ICA1: variants seen among roughly 807,000 people sequenced by gnomAD.
ICA1 encodes the protein 69 kDa islet cell autoantigen.
Under a neutral mutation model 71.0 loss-of-function variants are expected in ICA1, and 40 were observed. That is an observed-to-expected ratio of 0.56 (90% CI 0.44 to 0.73). ICA1 has a LOEUF of 0.73. Among genes scored for constraint, ICA1 ranks in the 30% least tolerant of loss-of-function variants. ICA1 has a pLI of 0.00. For synonymous variants in ICA1, 207 were observed against 209.5 expected (o/e 0.99, Z 0.10); for missense variants, 578 against 576.5 (o/e 1.00, Z -0.03).
intron 4 of ICA1, chr7:8,227,924 G>A (rs1799123401): frequency 2.4e-6 from 1 of 409,050 alleles, no homozygotes; most frequent in Non-Finnish European, 5.0e-6. Context: ...TACTGATGTA[G>A]AAAAATGACC....
chr7:8,155,409 A>G (rs1302563942), intron 8 of ICA1, among the ~76,000 whole-genome samples: 1 of 152,204 alleles, frequency 6.6e-6, no homozygotes, highest in East Asian at 1.9e-4. Context: ...ACGTCGTAGC[A>G]AAAATTAAGG....
intron 6 of ICA1, among the ~76,000 whole-genome samples, chr7:8,178,372 T>C (rs940423572): frequency 2.0e-5 from 3 of 152,210 alleles, no homozygotes; most frequent in African/African-American, 4.8e-5. Context: ...TGTATTTTAA[T>C]TGACTGTTTT....
At chr7:8,186,798 C>A (rs758990687) in intron 6 of ICA1, among the ~76,000 whole-genome samples, 2 of 152,118 alleles carry the variant, frequency 1.3e-5, no homozygotes, top group East Asian at 3.8e-4. Context: ...AGGGCCTCAA[C>A]GTGCCACTGA....
chr7:8,174,397 G>T, intron 6 of ICA1, among the ~76,000 whole-genome samples: 1 of 152,046 alleles, frequency 6.6e-6, no homozygotes, highest in East Asian at 1.9e-4. Flanking sequence ...TTTTCTGTAT[G>T]CTTTTATAAC....
At chr7:8,236,306 T>C (rs546838869) in intron 1 of ICA1, among the ~76,000 whole-genome samples, 1 of 152,240 alleles carries the variant, frequency 6.6e-6, no homozygotes, top group Non-Finnish European at 1.5e-5. Flanking sequence ...CAATACTATA[T>C]GTTGTTGAGG....
intron 3 of ICA1, among the ~76,000 whole-genome samples, chr7:8,231,590 G>A (rs138840149): frequency 6.6e-6 from 1 of 152,138 alleles, no homozygotes; most frequent in Non-Finnish European, 1.5e-5. Flanking sequence ...TGAGAAACTG[G>A]GTATAGTTCT....
intron 6 of ICA1, among the ~76,000 whole-genome samples, chr7:8,193,367 C>T (rs1264296934): frequency 6.6e-6 from 1 of 152,230 alleles, no homozygotes; most frequent in Non-Finnish European, 1.5e-5. Context: ...CCTTTTACCA[C>T]AACTGTAGCT....
At chr7:8,242,022 A>G (rs1230440207) in intron 1 of ICA1, among the ~76,000 whole-genome samples, 2 of 152,224 alleles carry the variant, frequency 1.3e-5, no homozygotes, top group African/African-American at 2.4e-5. Context: ...CAGAAGGTTA[A>G]CAAGGATATC....
intron 4 of ICA1, among the ~76,000 whole-genome samples, chr7:8,221,703 C>A (rs989530056): frequency 6.6e-6 from 1 of 152,130 alleles, no homozygotes; most frequent in African/African-American, 2.4e-5. Flanking sequence ...CGGCTTCGAG[C>A]TGAAATAAAG....
At chr7:8,152,320 C>G (rs1475711912) in intron 8 of ICA1, among the ~76,000 whole-genome samples, 2 of 151,944 alleles carry the variant, frequency 1.3e-5, no homozygotes, top group Non-Finnish European at 2.9e-5. Context: ...AACCTAGAAA[C>G]CCCAACAAAC....
chr7:8,248,154 T>C (rs1289857533), intron 1 of ICA1, among the ~76,000 whole-genome samples: 2 of 152,224 alleles, frequency 1.3e-5, no homozygotes, highest in African/African-American at 4.8e-5. Context: ...TAATTAACTT[T>C]ACAACTTTAG....
intron 6 of ICA1, among the ~76,000 whole-genome samples, chr7:8,181,980 C>A (rs1277490311): frequency 1.3e-5 from 2 of 152,150 alleles, no homozygotes; most frequent in East Asian, 3.8e-4. Context: ...CTAATTAAAG[C>A]TAATGGTAGT....
In ICA1 at chr7:8,144,280, T is replaced by C. The variant is rs1023164836; in HGVS notation, c.805-308A>G. On this transcript the variant is annotated intron_variant, in intron 8 of 13. Transcript: ENST00000402384. The surrounding 1 kb of genome is among the most constrained non-coding windows in gnomAD (Gnocchi z 4.5). ...TTATTCAAACGTGGCCTTTTGGCTA[T>C]TGCTAACTTTATTTTTCAACTTCAA... Among the ~76,000 whole-genome samples the C allele has an allele frequency of 6.6e-6, 1 of 152,234 alleles. No homozygotes were observed. Among genetic ancestry groups the C allele is most frequent in the Non-Finnish European group, 1.5e-5 (1 of 68,036 alleles).
At chr7:8,256,044 G>C (rs1434878321) in intron 1 of ICA1, among the ~76,000 whole-genome samples, 18 of 151,732 alleles carry the variant, frequency 1.2e-4, no homozygotes, top group Non-Finnish European at 2.9e-5. Flanking sequence ...CAAAGTGCTA[G>C]GATCACAGAC....
At chr7:8,253,810 C>G (rs1362319464) in intron 1 of ICA1, among the ~76,000 whole-genome samples, 3 of 152,026 alleles carry the variant, frequency 2.0e-5, no homozygotes, top group African/African-American at 7.2e-5. Flanking sequence ...CCTGTGTATA[C>G]AGAGGGATGA....
At chr7:8,188,699 C>G (rs1784623542) in intron 6 of ICA1, among the ~76,000 whole-genome samples, 2 of 152,098 alleles carry the variant, frequency 1.3e-5, no homozygotes, top group Non-Finnish European at 2.9e-5. Context: ...CTTGGGAGTA[C>G]CAGAGTTGCT....
Position 8,196,605 on chromosome 7 carries a change from G to T in ICA1, c.579+21700C>A, listed in dbSNP as rs1787669357. Among the ~76,000 whole-genome samples the T allele has an allele frequency of 3.3e-5, 5 of 152,282 alleles. No individual in the cohort carries two copies. In the South Asian group the frequency reaches 1.0e-3, roughly 32 times the overall value. On this transcript the variant is annotated intron_variant, in intron 6 of 13. Coordinates refer to ENST00000402384, the MANE Select transcript of ICA1 (RefSeq NM_001136020.3). Reference sequence around the variant, plus strand: ...GAGGGAGGCTGTGTGTATGCACTGGGTATGTGTGTTGTGGGGTGGTTGGGA... The same window carrying T: ...GAGGGAGGCTGTGTGTATGCACTGGTTATGTGTGTTGTGGGGTGGTTGGGA...
At chr7:8,125,440 C>G (rs1788808666) in intron 13 of ICA1, among the ~76,000 whole-genome samples, 1 of 152,186 alleles carries the variant, frequency 6.6e-6, no homozygotes, top group African/African-American at 2.4e-5. Context: ...ATGGTTCATT[C>G]TCACCTCCTG....
In ICA1 at chr7:8,159,740, A is replaced by G. The variant is rs532985971; in HGVS notation, c.580-1088T>C. The stretch of plus-strand genomic sequence containing the variant: ...AAACATCCAACAACAAAACCAAAAA[A>G]CAAAACAAAATATGAAGTTAAAATT... On this transcript the variant is annotated intron_variant, in intron 6 of 13. Transcript: ENST00000402384. 4.6e-5 allele frequency among the ~76,000 whole-genome samples: 7 copies of G among 152,230 alleles called. No homozygotes were observed. In the South Asian group the frequency reaches 1.5e-3, roughly 32 times the overall value.
Sources: allele counts gnomAD v4.1 joint callset (sites outside exome capture counted in the v4.1 genomes callset), GRCh38; gene constraint gnomAD v4.1.1; non-coding constraint Gnocchi (gnomAD v3.1); transcripts MANE v1.5; gene names NCBI Gene and HGNC (gene_info 2026-07-23, HGNC 2026-07-21).